Variants in SH3GL2 observed in about 807,000 individuals in gnomAD.
The protein encoded by SH3GL2 is endophilin-A1.
In SH3GL2, 24 loss-of-function variants were observed where a neutral mutation model predicts 46.0. That is an observed-to-expected ratio of 0.52 (90% CI 0.38 to 0.73). The LOEUF is 0.73. SH3GL2 is among the 30% of genes least tolerant of loss of function. The pLI is 0.00. For missense variants in SH3GL2, 413 were observed against 424.2 expected (o/e 0.97, Z 0.23); for synonymous variants, 196 against 147.1 (o/e 1.33, Z -2.40).
intron 1 of SH3GL2, among the ~76,000 whole-genome samples, chr9:17,725,035 A>G (rs2118370498): frequency 6.6e-6 from 1 of 152,092 alleles, no homozygotes; most frequent in South Asian, 2.1e-4. Context: ...CAGCATGGAC[A>G]TCCATACAGT....
intron 1 of SH3GL2, among the ~76,000 whole-genome samples, chr9:17,715,352 G>A (rs1466671266): frequency 6.6e-6 from 1 of 151,348 alleles, no homozygotes; most frequent in African/African-American, 2.4e-5. Context: ...TCATCAGTTT[G>A]TTGTTTTACT....
intron 1 of SH3GL2, among the ~76,000 whole-genome samples, chr9:17,658,514 C>CT (rs1457228406): frequency 1.3e-5 from 2 of 152,220 alleles, no homozygotes; most frequent in East Asian, 3.9e-4. Context: ...AATAATATTG[C>CT]TTAATAGTAA....
chr9:17,687,250 C>T (rs1484236762), intron 1 of SH3GL2, among the ~76,000 whole-genome samples: 5 of 151,938 alleles, frequency 3.3e-5, no homozygotes, highest in South Asian at 2.1e-4. Flanking sequence ...TAAGCAGTTA[C>T]GTTTTCATTG....
chr9:17,582,563 C>T (rs1818297146), intron 1 of SH3GL2, among the ~76,000 whole-genome samples: 1 of 152,188 alleles, frequency 6.6e-6, no homozygotes, highest in African/African-American at 2.4e-5. Flanking sequence ...TTCACTCTAT[C>T]ATGCATATGA....
intron 1 of SH3GL2, among the ~76,000 whole-genome samples, chr9:17,632,346 C>T (rs959367870): frequency 2.0e-5 from 3 of 151,996 alleles, no homozygotes; most frequent in Admixed American, 6.6e-5. Flanking sequence ...CCATCTTGGC[C>T]GACATAGCTA....
At chr9:17,662,369 C>T (rs1340103680) in intron 1 of SH3GL2, among the ~76,000 whole-genome samples, 1 of 152,128 alleles carries the variant, frequency 6.6e-6, no homozygotes, top group Non-Finnish European at 1.5e-5. Context: ...AGAGAATAGC[C>T]AGCTTCATAT....
chr9:17,670,720 G>T (rs576855636), intron 1 of SH3GL2, among the ~76,000 whole-genome samples: 17 of 152,168 alleles, frequency 1.1e-4, no homozygotes, highest in African/African-American at 4.1e-4. Flanking sequence ...CACCTTTTCT[G>T]AATTTCTCAA....
At chr9:17,639,476 C>G (rs950093512) in intron 1 of SH3GL2, among the ~76,000 whole-genome samples, 1 of 152,084 alleles carries the variant, frequency 6.6e-6, no homozygotes, top group Non-Finnish European at 1.5e-5. Flanking sequence ...AGCCACAATG[C>G]GATACAACTG....
intron 1 of SH3GL2, among the ~76,000 whole-genome samples, chr9:17,626,363 G>C (rs1366157526): frequency 6.6e-6 from 1 of 152,222 alleles, no homozygotes; most frequent in African/African-American, 2.4e-5. Context: ...TCTGAGGTTA[G>C]AGGACCACAC....
chr9:17,792,510 G>A (rs929644032), intron 7 of SH3GL2, among the ~76,000 whole-genome samples: 4 of 151,950 alleles, frequency 2.6e-5, no homozygotes, highest in African/African-American at 4.8e-5. Context: ...AATATTTAGG[G>A]GTATGTAGAA....
intron 1 of SH3GL2, among the ~76,000 whole-genome samples, chr9:17,694,392 G>C (rs1177100050): frequency 6.6e-6 from 1 of 152,118 alleles, no homozygotes; most frequent in Admixed American, 6.6e-5. Context: ...TAATAAGTAA[G>C]TGTTCTTTTT....
Position 17,744,412 on chromosome 9 carries a change from C to G in SH3GL2, c.46-2654C>G, listed in dbSNP as rs377422797. On this transcript the variant is annotated intron_variant, in intron 1 of 8. Transcript: ENST00000380607. ...GTCTGAGTCTCACCTGTCACCCAGG[C>G]TGGAGTGCAGTGGCACGATCACGGC... 1.5e-4 allele frequency among the ~76,000 whole-genome samples: 22 copies of G among 151,718 alleles called. No individual in the cohort carries two copies. In the East Asian group the frequency reaches 1.6e-3, roughly 11 times the overall value.
chr9:17,665,018 G>GAGAT (rs1263157673), intron 1 of SH3GL2, among the ~76,000 whole-genome samples: 2 of 152,050 alleles, frequency 1.3e-5, no homozygotes, highest in Non-Finnish European at 2.9e-5. Context: ...CAGGTAGTGT[G>GAGAT]AGATACTTCC....
intron 1 of SH3GL2, among the ~76,000 whole-genome samples, chr9:17,688,372 A>G (rs1385003585): frequency 6.6e-6 from 1 of 152,134 alleles, no homozygotes; most frequent in Non-Finnish European, 1.5e-5. Flanking sequence ...AAATGGGTGA[A>G]AGGAGAATAT....
intron 1 of SH3GL2, among the ~76,000 whole-genome samples, chr9:17,695,209 A>G (rs1208082956): frequency 6.6e-6 from 1 of 152,138 alleles, no homozygotes; most frequent in Non-Finnish European, 1.5e-5. Context: ...GTCTTGTAGC[A>G]TAAGATGAAA....
intron 1 of SH3GL2, among the ~76,000 whole-genome samples, chr9:17,691,030 C>T (rs898871848): frequency 6.6e-6 from 1 of 152,100 alleles, no homozygotes; most frequent in Non-Finnish European, 1.5e-5. Flanking sequence ...GAGAAAAGGG[C>T]ATGCTTTGTG....
At chr9:17,743,534 T>C (rs981357045) in intron 1 of SH3GL2, among the ~76,000 whole-genome samples, 1 of 151,202 alleles carries the variant, frequency 6.6e-6, no homozygotes, top group East Asian at 2.0e-4. Flanking sequence ...TCCCTCCTTC[T>C]TCCTTTCCCT....
intron 2 of SH3GL2, among the ~76,000 whole-genome samples, chr9:17,755,018 C>A (rs1335053407): frequency 6.6e-6 from 1 of 152,110 alleles, no homozygotes; most frequent in African/African-American, 2.4e-5. Flanking sequence ...ACTTCCAATA[C>A]TATGTTAAAT....
intron 1 of SH3GL2, among the ~76,000 whole-genome samples, chr9:17,725,439 A>T (rs772069063): frequency 1.3e-5 from 2 of 152,096 alleles, no homozygotes; most frequent in Non-Finnish European, 2.9e-5. Flanking sequence ...ACTGTGTGCC[A>T]CCAAAATCTC....
Sources: allele counts gnomAD v4.1 joint callset (sites outside exome capture counted in the v4.1 genomes callset), GRCh38; gene constraint gnomAD v4.1.1; transcripts MANE v1.5; gene names NCBI Gene and HGNC (gene_info 2026-07-23, HGNC 2026-07-21).